The following LIFR variants were observed in gnomAD, a reference collection of about 807,000 sequenced individuals.
LIFR encodes the protein LIF receptor subunit alpha, also known as leukemia inhibitory factor receptor.
In LIFR, 84 loss-of-function variants were observed where a neutral mutation model predicts 122.2. The ratio of observed to expected loss-of-function variants is 0.69; its 90% CI spans 0.58 to 0.82. The LOEUF (loss-of-function observed/expected upper bound fraction) is 0.82, where lower values mean the gene tolerates loss of function less well. LIFR is among the 40% of genes least tolerant of loss of function. The pLI is 0.00. For missense variants in LIFR, 1,294 were observed against 1,311.6 expected (o/e 0.99, Z 0.21); for synonymous variants, 422 against 434.7 (o/e 0.97, Z 0.36).
At position 38,480,624 on chromosome 5, in the gene LIFR, G is replaced by A. The variant is rs1339890366; in HGVS notation, c.*971C>T. On this transcript the variant is annotated 3_prime_UTR_variant, in exon 20 of 20. Transcript: ENST00000453190. ...AAGCTCAACGGCATGGTCTCCTCAG[G>A]AGGAACGAAATCCAATCAGAACTAT... 4.6e-6 allele frequency: 1 copy of A among 219,702 alleles called. No homozygotes were observed. The highest frequency in any genetic ancestry group is 9.1e-6 in the Non-Finnish European group (1 of 109,582). 13.6% of individuals were successfully genotyped at this position (219,702 alleles called of 1,614,324 possible).
chr5:38,534,506 C>T (rs1747189616), intron 1 of LIFR, among the ~76,000 whole-genome samples: 1 of 152,134 alleles, frequency 6.6e-6, no homozygotes, highest in Non-Finnish European at 1.5e-5. Flanking sequence ...GCTGCAGTAA[C>T]AAAGATGTAT....
In LIFR at chr5:38,523,390, A is replaced by G. The variant is rs770710996; in HGVS notation, c.561+29T>C. The G allele has an allele frequency of 4.4e-6, 7 of 1,582,426 alleles. No homozygotes were observed. In the South Asian group the frequency reaches 6.8e-5, roughly 15 times the overall value. On this transcript the variant is annotated intron_variant, in intron 5 of 19. Transcript: ENST00000453190. Reference sequence around the variant, plus strand: ...AAAATTATTCAGTTTCTTTAATGTCATAGGAAGAAAATCTATGTTCAAACT... The same window carrying G: ...AAAATTATTCAGTTTCTTTAATGTCGTAGGAAGAAAATCTATGTTCAAACT...
In LIFR at chr5:38,565,959, A is replaced by T. The variant is rs75721762; in HGVS notation, c.-20+29302T>A. ...TAATACATATGCATGCTAAGGAAAC[A>T]ACAGTGAGTGAGACAAAGCCCTTTG... On this transcript the variant is annotated intron_variant, in intron 1 of 19. Transcript: ENST00000263409. Among the ~76,000 whole-genome samples the T allele has an allele frequency of 7.8e-3, 1,192 of 152,338 alleles. 16 individuals carry two copies. The highest frequency in any genetic ancestry group is 0.025 in the African/African-American group (1,050 of 41,566).
chr5:38,520,201 T>A (rs2112533129), intron 5 of LIFR, among the ~76,000 whole-genome samples: 1 of 152,312 alleles, frequency 6.6e-6, no homozygotes, highest in Middle Eastern at 3.4e-3. Context: ...GGTTTTAATT[T>A]GTATTTCCCT....
In LIFR at chr5:38,481,564, G is replaced by GA. The variant is rs1362855264; in HGVS notation, c.*30dup. 6.2e-7 allele frequency: 1 copy of GA among 1,613,268 alleles called. No individual in the cohort carries two copies. Among genetic ancestry groups the GA allele is most frequent in the Admixed American group, 1.7e-5 (1 of 60,016 alleles). On this transcript the variant is annotated 3_prime_UTR_variant, in exon 20 of 20. Transcript: ENST00000453190. ...AACACTAGCAGTAAGAGCTTATTGAGATGGCTGACTGAAGTGACACGGTGA... is the reference window on the plus strand; with the variant it reads ...AACACTAGCAGTAAGAGCTTATTGAGAATGGCTGACTGAAGTGACACGGTGA...
intron 19 of LIFR, 46 bp from the exon 20 acceptor site, chr5:38,482,264 C>T (rs1478803294): frequency 3.9e-6 from 6 of 1,557,452 alleles, no homozygotes; most frequent in Non-Finnish European, 5.2e-6. Flanking sequence ...CACTAAATGC[C>T]ATTGCAATGC....
rs1743873449 is a variant in LIFR at position 38,479,434 on chromosome 5, T to C, written c.*2161A>G. ...GACTTAAGAGCCCCAGTGATATTCA[T>C]CATTAACCAAACAAATGAGTCGTTA... On this transcript the variant is annotated 3_prime_UTR_variant, in exon 20 of 20. Coordinates refer to ENST00000453190, the MANE Select transcript of LIFR (RefSeq NM_001127671.2). 4.3e-6 allele frequency: 1 copy of C among 230,526 alleles called. No homozygotes were observed. Among genetic ancestry groups the C allele is most frequent in the Non-Finnish European group, 8.6e-6 (1 of 116,432 alleles). 14.3% of individuals were successfully genotyped at this position (230,526 alleles called of 1,614,324 possible).
intron 4 of LIFR, among the ~76,000 whole-genome samples, chr5:38,526,297 T>A (rs971850909): frequency 5.9e-5 from 9 of 152,174 alleles, no homozygotes; most frequent in African/African-American, 1.9e-4. Flanking sequence ...AGCTTTTTTT[T>A]ACAGGACCCA....
chr5:38,535,067 T>C (rs1747222772), intron 1 of LIFR, among the ~76,000 whole-genome samples: 1 of 152,164 alleles, frequency 6.6e-6, no homozygotes, highest in South Asian at 2.1e-4. Flanking sequence ...AGGACATGAC[T>C]GACCAAAATG....
chr5:38,524,447 C>A (rs1367591068), intron 4 of LIFR, among the ~76,000 whole-genome samples: 2 of 151,984 alleles, frequency 1.3e-5, no homozygotes, highest in Non-Finnish European at 2.9e-5. Context: ...GCAATCCTGG[C>A]TAGAGTGACA....
chr5:38,490,779 T>C (rs1461332199), intron 14 of LIFR: 1 of 152,536 alleles, frequency 6.6e-6, no homozygotes, highest in East Asian at 1.9e-4. Context: ...TTTGTATTTT[T>C]AGTAGAGAAA....
intron 3 of LIFR, 119 bp downstream of exon 3, chr5:38,528,607 C>T: frequency 1.3e-6 from 1 of 742,066 alleles, no homozygotes; most frequent in South Asian, 1.5e-5. Context: ...GCAGACTCTG[C>T]TGGACACAGA....
At chr5:38,487,403 G>A (rs1444809520) in intron 16 of LIFR, among the ~76,000 whole-genome samples, 1 of 152,142 alleles carries the variant, frequency 6.6e-6, no homozygotes. Context: ...GAGTGTTGCT[G>A]GGCTGTCTAT....
chr5:38,526,443 A>G (rs2731972), intron 4 of LIFR, among the ~76,000 whole-genome samples: 10,761 of 132,304 alleles, frequency 0.081, 776 homozygotes, highest in African/African-American at 0.21. Context: ...GTGTGTGTGT[A>G]TATATATATA....
intron 1 of LIFR, among the ~76,000 whole-genome samples, chr5:38,548,540 T>C (rs1162862065): frequency 5.3e-5 from 8 of 152,178 alleles, no homozygotes; most frequent in Non-Finnish European, 1.2e-4. Flanking sequence ...CAGAGACATG[T>C]GGGTCCAGGA....
intron 1 of LIFR, among the ~76,000 whole-genome samples, chr5:38,534,661 A>G (rs1448831822): frequency 6.6e-6 from 1 of 152,222 alleles, no homozygotes; most frequent in African/African-American, 2.4e-5. Context: ...AGATGTTACA[A>G]GTTTCCAGGG....
chr5:38,485,789 A>T, intron 17 of LIFR, 30 bp downstream of exon 17: 1 of 1,613,280 alleles, frequency 6.2e-7, no homozygotes, highest in Non-Finnish European at 8.5e-7. Context: ...TGCAGGATGG[A>T]AAGCACCTCA....
chr5:38,493,869 A>G (rs1174012445), intron 13 of LIFR, 84 bp from the exon 14 acceptor site: 2 of 1,090,080 alleles, frequency 1.8e-6, no homozygotes, highest in Non-Finnish European at 2.8e-6. Context: ...TGAGTTAGAA[A>G]AATCACTTCA....
chr5:38,546,300 C>T (rs1227464561), intron 1 of LIFR, among the ~76,000 whole-genome samples: 10 of 151,976 alleles, frequency 6.6e-5, no homozygotes, highest in Admixed American at 2.0e-4. Flanking sequence ...TCCAGTATGA[C>T]CTGAACTATA....
Sources: gnomAD v4.1 joint callset for allele counts (sites outside exome capture counted in the v4.1 genomes callset) on GRCh38, gnomAD v4.1.1 for gene constraint, MANE v1.5 for transcripts, NCBI Gene and HGNC (gene_info 2026-07-23, HGNC 2026-07-21) for gene names.